RUBCN: variants seen among roughly 807,000 people sequenced by gnomAD.
The protein encoded by RUBCN is rubicon autophagy regulator, also known as run domain Beclin-1-interacting and cysteine-rich domain-containing protein.
RUBCN carries 74 observed loss-of-function variants against 113.2 expected under a neutral mutation model. The observed-to-expected ratio is 0.65, with a 90% CI of 0.54 to 0.79. The LOEUF (loss-of-function observed/expected upper bound fraction) is 0.79, where lower values mean the gene tolerates loss of function less well. Ranked by LOEUF, RUBCN falls within the 30% of genes least tolerant of loss-of-function variation. The probability of loss-of-function intolerance (pLI) is 0.00; values close to 1 mark genes in which losing one functional copy is unlikely to be tolerated. For synonymous variants in RUBCN, 480 were observed against 490.0 expected, an observed-to-expected ratio of 0.98 and a Z score of 0.27; for missense variants, 1,109 against 1,251.7, an observed-to-expected ratio of 0.89 and a Z score of 1.72.
chr3:197,726,172 A>G (rs1485710133), intron 1 of RUBCN, among the ~76,000 whole-genome samples: 1 of 152,256 alleles, frequency 6.6e-6, no homozygotes, highest in Non-Finnish European at 1.5e-5. Flanking sequence ...GTTTAATATT[A>G]CATAGCTTGT....
At position 197,677,596 on chromosome 3, in the gene RUBCN, C is replaced by T. The variant is rs560931348; in HGVS notation, c.2431-55G>A. 23 of 1,546,724 alleles carry T rather than the reference C, an allele frequency of 1.5e-5. No individual in the cohort carries two copies. In the East Asian group the frequency reaches 4.5e-4, roughly 30 times the overall value. On this transcript the variant is annotated intron_variant, in intron 16 of 19. Transcript: ENST00000296343. ...GGAGGGAGATGTGAGAAGAGGAATC[C>T]AGTGTGGGAAGCCCAGGGCCTTTAA...
upstream of RUBCN, among the ~76,000 whole-genome samples, chr3:197,738,256 G>A (rs1327088132): frequency 6.6e-6 from 1 of 152,184 alleles, no homozygotes; most frequent in Non-Finnish European, 1.5e-5. Flanking sequence ...AGAACAAGGA[G>A]GCTCAGATTA....
intron 11 of RUBCN, among the ~76,000 whole-genome samples, chr3:197,692,808 C>T (rs1216318604): frequency 6.6e-6 from 1 of 152,184 alleles, no homozygotes; most frequent in Non-Finnish European, 1.5e-5. Flanking sequence ...CATGTGGTTC[C>T]TCCATCTGGA....
intron 1 of RUBCN, among the ~76,000 whole-genome samples, chr3:197,723,845 A>G (rs1410265443): frequency 6.6e-6 from 1 of 152,164 alleles, no homozygotes; most frequent in Non-Finnish European, 1.5e-5. Context: ...CTGTAATCCC[A>G]GCACTTTGAG....
At chr3:197,696,122 C>T in intron 8 of RUBCN, 141 bp from the exon 9 acceptor site, 4 of 840,082 alleles carry the variant, frequency 4.8e-6, no homozygotes, top group Non-Finnish European at 7.8e-6. Context: ...AAAAGAATTT[C>T]TTGCACTTTG....
Position 197,682,539 on chromosome 3 carries a change from C to G in RUBCN, c.2057G>C (p.Arg686Pro), listed in dbSNP as rs758004650. Residue 686 changes from arginine (R) to proline (P), a missense_variant, in exon 14 of 20, where the codon CGT becomes CCT. Physicochemically the swap from Arg to Pro is moderately radical, Grantham distance 103. Coordinates refer to ENST00000296343, the MANE Select transcript of RUBCN (RefSeq NM_014687.4). ...GGCCCACTCCAAGTTGCCACGAACA[C>G]GAATCCGCAGCTTGTAGATGTCAGC... Reference protein sequence around the residue: ...QHADIYKLRIRVRGNLEWAPP... With the variant: ...QHADIYKLRIPVRGNLEWAPP... The G allele has an allele frequency of 1.2e-6, 2 of 1,614,152 alleles. No homozygotes were observed. Among genetic ancestry groups the G allele is most frequent in the East Asian group, 2.2e-5 (1 of 44,878 alleles).
At position 197,694,475 on chromosome 3, in the gene RUBCN, A is replaced by G. The variant is rs935472865; in HGVS notation, c.1584T>C (p.Ser528=). 2 of 1,614,160 alleles carry G rather than the reference A, an allele frequency of 1.2e-6. No homozygotes were observed. Among genetic ancestry groups the G allele is most frequent in the Non-Finnish European group, 1.7e-6 (2 of 1,180,030 alleles). ...LEEEEVEEED[S]DREIQELKQK... is the part of the protein sequence containing the mutation. ...GCTTCAGCTCCTGGATCTCTCTATCACTGTCTTCCTCTTCCACTTCCTCCT... is the reference window on the plus strand; with the variant it reads ...GCTTCAGCTCCTGGATCTCTCTATCGCTGTCTTCCTCTTCCACTTCCTCCT... Residue 528 remains serine (S), a synonymous_variant, in exon 10 of 20, where the codon AGT becomes AGC. Coordinates refer to ENST00000296343, the MANE Select transcript of RUBCN (RefSeq NM_014687.4).
chr3:197,700,583 T>G (rs1236487481), intron 7 of RUBCN, 30 bp downstream of exon 7: 21 of 1,613,192 alleles, frequency 1.3e-5, no homozygotes, highest in Non-Finnish European at 1.8e-5. Flanking sequence ...AGGGTCATCT[T>G]GCTAACTAGC....
At chr3:197,712,073 A>AT (rs1003791226) in intron 2 of RUBCN, among the ~76,000 whole-genome samples, 6 of 151,434 alleles carry the variant, frequency 4.0e-5, no homozygotes, top group East Asian at 3.9e-4. Context: ...TTCATTATTG[A>AT]TTTTTTTTTA....
chr3:197,733,171 A>G (rs1374660586), intron 1 of RUBCN, among the ~76,000 whole-genome samples: 1 of 152,210 alleles, frequency 6.6e-6, no homozygotes, highest in African/African-American at 2.4e-5. Context: ...TTCATCCTTC[A>G]TTTTTAAAAT....
chr3:197,687,301 G>C (rs1185621327), intron 11 of RUBCN, among the ~76,000 whole-genome samples: 1 of 152,212 alleles, frequency 6.6e-6, no homozygotes, highest in Non-Finnish European at 1.5e-5. Context: ...AGGGATGGGG[G>C]AGAAGGAACT....
chr3:197,737,600 T>A (rs540865155), upstream of RUBCN, among the ~76,000 whole-genome samples: 1 of 152,038 alleles, frequency 6.6e-6, no homozygotes, highest in South Asian at 2.1e-4. Context: ...CATTCTGGTG[T>A]GGGGAAACCA....
chr3:197,709,676 G>A (rs560227712), intron 2 of RUBCN, among the ~76,000 whole-genome samples: 51 of 152,066 alleles, frequency 3.4e-4, no homozygotes, highest in African/African-American at 1.1e-3. Context: ...CACCGCGCCC[G>A]GCCTGAAAAG....
rs1324747500 is a variant in RUBCN at position 197,705,194 on chromosome 3, C to CA, written c.220-20dup. The CA allele has an allele frequency of 1.2e-6, 2 of 1,608,414 alleles. No homozygotes were observed. Among genetic ancestry groups the CA allele is most frequent in the Non-Finnish European group, 1.7e-6 (2 of 1,175,102 alleles). On this transcript the variant is annotated intron_variant, in intron 2 of 19. Coordinates refer to ENST00000296343, the MANE Select transcript of RUBCN (RefSeq NM_014687.4). ...GGCACGCCTGCAAAGGGAACACATA[C>CA]AATGAGCAAATCACGACCATTCTGG...
At chr3:197,699,271 G>A in intron 7 of RUBCN, 2 of 1,404,800 alleles carry the variant, frequency 1.4e-6, no homozygotes. Context: ...AGTCCAGATA[G>A]AGCAATGAGA....
At chr3:197,725,777 T>C (rs1385313101) in intron 1 of RUBCN, among the ~76,000 whole-genome samples, 1 of 152,168 alleles carries the variant, frequency 6.6e-6, no homozygotes, top group Non-Finnish European at 1.5e-5. Context: ...CAACAATCAG[T>C]GGATTTAACA....
chr3:197,670,775 C>A lies in RUBCN; in HGVS notation c.*4243G>T, dbSNP rs1719711893. On this transcript the variant is annotated 3_prime_UTR_variant, in exon 20 of 20. Coordinates refer to ENST00000296343, the MANE Select transcript of RUBCN (RefSeq NM_014687.4). The stretch of plus-strand genomic sequence containing the variant: ...ATATCATCTTATCTCCTGGTTTAGT[C>A]CCTGGCAAGGAAAGAGCTGGCAGTT... Among the ~76,000 whole-genome samples the A allele has an allele frequency of 6.6e-6, 1 of 152,116 alleles. No homozygotes were observed.
intron 2 of RUBCN, among the ~76,000 whole-genome samples, chr3:197,707,886 C>T (rs1724496410): frequency 6.6e-6 from 1 of 151,828 alleles, no homozygotes; most frequent in South Asian, 2.1e-4. Flanking sequence ...ATCACTTGAG[C>T]CTGGGAAGTG....
Position 197,694,458 on chromosome 3 carries a change from T to A in RUBCN, c.1601A>T (p.Glu534Val). The A allele has an allele frequency of 6.2e-7, 1 of 1,614,212 alleles. No homozygotes were observed. Among genetic ancestry groups the A allele is most frequent in the Non-Finnish European group, 8.5e-7 (1 of 1,180,044 alleles). The change falls in exon 10 of 20, where the codon GAG (glutamate) becomes GTG (valine). Residue 534 changes from glutamate (E) to valine (V), a missense_variant. This residue lies in a region of RUBCN where 736 missense variants were observed against 779.6 expected (regional missense o/e 0.94). Transcript: ENST00000296343. ...CCGAAGGCGGATCTTCTGCTTCAGC[T>A]CCTGGATCTCTCTATCACTGTCTTC... Reference protein sequence around the residue: ...EEEDSDREIQELKQKIRLRRQ... With the variant: ...EEEDSDREIQVLKQKIRLRRQ...
Sources: allele counts gnomAD v4.1 joint callset (sites outside exome capture counted in the v4.1 genomes callset), GRCh38; gene constraint gnomAD v4.1.1; regional missense constraint gnomAD v4.1.1; transcripts MANE v1.5; gene names NCBI Gene and HGNC (gene_info 2026-07-23, HGNC 2026-07-21).